Variants in GRM1 observed in about 807,000 individuals in gnomAD.
The protein encoded by GRM1 is glutamate metabotropic receptor 1.
GRM1 carries 33 observed loss-of-function variants against 90.9 expected under a neutral mutation model. The ratio of observed to expected loss-of-function variants is 0.36; its 90% confidence interval spans 0.28 to 0.49. The LOEUF (loss-of-function observed/expected upper bound fraction) is 0.49. Among genes scored for constraint, GRM1 ranks in the 20% least tolerant of loss-of-function variants. GRM1 has a pLI of 0.99. For synonymous variants in GRM1, 700 were observed against 613.2 expected (o/e 1.14, Z -2.09); for missense variants, 1,190 against 1,534.3 (o/e 0.78, Z 3.75).
intron 3 of GRM1, among the ~76,000 whole-genome samples, chr6:146,320,424 T>C (rs762766697): frequency 3.2e-4 from 48 of 152,246 alleles, no homozygotes; most frequent in Non-Finnish European, 5.9e-4. Context: ...GCCTGAAATT[T>C]TCTTTTTTTG....
intron 7 of GRM1, among the ~76,000 whole-genome samples, chr6:146,420,242 G>A (rs973821962): frequency 6.6e-6 from 1 of 152,220 alleles, no homozygotes; most frequent in Admixed American, 6.5e-5. Context: ...AAGACTCAAA[G>A]TCATTCAAAC....
chr6:146,280,748 A>G lies in GRM1; in HGVS notation c.951-23863A>G, dbSNP rs140896669. On this transcript the variant is annotated intron_variant, in intron 2 of 7. Coordinates refer to ENST00000282753, the MANE Select transcript of GRM1 (RefSeq NM_001278064.2). The stretch of plus-strand genomic sequence containing the variant: ...ATCCTCCCACCTCAGCCTCCCTAGT[A>G]GCTGGGACTAATGACACTAACACCA... 7.9e-5 allele frequency among the ~76,000 whole-genome samples: 12 copies of G among 152,156 alleles called. No individual in the cohort carries two copies. In the East Asian group the frequency reaches 2.3e-3, roughly 29 times the overall value.
intron 1 of GRM1, among the ~76,000 whole-genome samples, chr6:146,146,084 C>G (rs878912979): frequency 8.6e-6 from 1 of 115,960 alleles, no homozygotes; most frequent in Admixed American, 9.5e-5. Flanking sequence ...TGCCCTGTGC[C>G]TATGTACTAC....
chr6:146,206,772 C>A (rs1385288577), intron 2 of GRM1, among the ~76,000 whole-genome samples: 1 of 152,002 alleles, frequency 6.6e-6, no homozygotes, highest in Non-Finnish European at 1.5e-5. Context: ...TTTGGGTACC[C>A]AGTTATCTTT....
intron 2 of GRM1, among the ~76,000 whole-genome samples, chr6:146,189,961 T>A (rs141678386): frequency 7.0e-4 from 106 of 152,284 alleles, no homozygotes; most frequent in African/African-American, 2.4e-3. Flanking sequence ...TATGTTACAG[T>A]GTTTTGCTTT....
chr6:146,114,797 T>G (rs549555795), intron 1 of GRM1, among the ~76,000 whole-genome samples: 4 of 152,262 alleles, frequency 2.6e-5, no homozygotes, highest in African/African-American at 9.6e-5. Context: ...ACATATATTT[T>G]CATTTAATTC....
chr6:146,335,654 T>C (rs1784748013), intron 3 of GRM1, among the ~76,000 whole-genome samples: 1 of 152,186 alleles, frequency 6.6e-6, no homozygotes, highest in East Asian at 1.9e-4. Context: ...TTCAAGACAC[T>C]TTCCCAGGGC....
At chr6:146,145,380 G>A (rs918890957) in intron 1 of GRM1, among the ~76,000 whole-genome samples, 6 of 152,134 alleles carry the variant, frequency 3.9e-5, no homozygotes, top group Middle Eastern at 6.3e-3. Flanking sequence ...AGAAGCCTAG[G>A]AGAGCAGAAT....
At chr6:146,263,554 T>C (rs1301119507) in intron 2 of GRM1, among the ~76,000 whole-genome samples, 2 of 151,968 alleles carry the variant, frequency 1.3e-5, no homozygotes, top group Non-Finnish European at 1.5e-5. Context: ...CGCTGATAAA[T>C]AGCAATTTAA....
intron 1 of GRM1, among the ~76,000 whole-genome samples, chr6:146,098,349 A>G (rs948969816): frequency 6.6e-6 from 1 of 152,204 alleles, no homozygotes; most frequent in Non-Finnish European, 1.5e-5. Context: ...GAGAATTTAC[A>G]TAAAAAGGCT....
At chr6:146,142,390 C>T (rs1562489520) in intron 1 of GRM1, among the ~76,000 whole-genome samples, 1 of 152,090 alleles carries the variant, frequency 6.6e-6, no homozygotes, top group Non-Finnish European at 1.5e-5. Context: ...CACACAAGAC[C>T]CACTGTAACT....
chr6:146,250,934 G>T (rs1272762054), intron 2 of GRM1, among the ~76,000 whole-genome samples: 1 of 152,190 alleles, frequency 6.6e-6, no homozygotes, highest in Non-Finnish European at 1.5e-5. Context: ...TTGGTTCTAA[G>T]GTGACAGATG....
intron 2 of GRM1, among the ~76,000 whole-genome samples, chr6:146,166,321 A>T (rs549992758): frequency 6.6e-6 from 1 of 152,160 alleles, no homozygotes; most frequent in East Asian, 1.9e-4. Flanking sequence ...CTACCTTATG[A>T]TGCCTAGATC....
chr6:146,145,355 C>T (rs1418910541), intron 1 of GRM1, among the ~76,000 whole-genome samples: 1 of 152,106 alleles, frequency 6.6e-6, no homozygotes, highest in Non-Finnish European at 1.5e-5. Context: ...TAGGCTGTCC[C>T]CCCATCACAG....
At chr6:146,292,898 A>G (rs1783039227) in intron 2 of GRM1, among the ~76,000 whole-genome samples, 1 of 152,020 alleles carries the variant, frequency 6.6e-6, no homozygotes, top group African/African-American at 2.4e-5. Context: ...GGATAAACAA[A>G]TCGTAGTATA....
chr6:146,331,180 G>C (rs1784576508), intron 3 of GRM1, among the ~76,000 whole-genome samples: 1 of 152,140 alleles, frequency 6.6e-6, no homozygotes. Flanking sequence ...ATTCAGAGAG[G>C]AGCAGGAATG....
chr6:146,428,244 GTTC>G (rs1283478126), intron 7 of GRM1, among the ~76,000 whole-genome samples: 3 of 152,016 alleles, frequency 2.0e-5, no homozygotes, highest in Non-Finnish European at 4.4e-5. Context: ...TTAAAGATAT[GTTC>G]TTCTGTGACC....
chr6:146,324,989 A>G (rs1301126629), intron 3 of GRM1, among the ~76,000 whole-genome samples: 1 of 152,228 alleles, frequency 6.6e-6, no homozygotes, highest in Non-Finnish European at 1.5e-5. Flanking sequence ...CTCCTTCTCT[A>G]TCAAGACTCC....
intron 1 of GRM1, among the ~76,000 whole-genome samples, chr6:146,123,980 A>T (rs1301132269): frequency 6.6e-6 from 1 of 152,190 alleles, no homozygotes; most frequent in East Asian, 1.9e-4. Flanking sequence ...ATAAAACTTG[A>T]TTTCTTCTAA....
Sources: allele counts gnomAD v4.1 joint callset (sites outside exome capture counted in the v4.1 genomes callset), GRCh38; gene constraint gnomAD v4.1.1; transcripts MANE v1.5; gene names NCBI Gene and HGNC (gene_info 2026-07-23, HGNC 2026-07-21).